EIF2D: variants seen among roughly 807,000 people sequenced by gnomAD.
The protein encoded by EIF2D is eukaryotic translation initiation factor 2D, also known as hepatocellular carcinoma-associated antigen 56.
In EIF2D, 56 loss-of-function variants were observed where a neutral mutation model predicts 77.4. That is an observed-to-expected ratio of 0.72 (90% CI 0.58 to 0.90). EIF2D has a LOEUF of 0.90. Among genes scored for constraint, EIF2D ranks in the 40% least tolerant of loss-of-function variants. The pLI, the probability that EIF2D is intolerant of heterozygous loss-of-function variation, is 0.00. For missense variants in EIF2D, 574 were observed against 706.5 expected (o/e 0.81, Z 2.13); for synonymous variants, 230 against 271.0 (o/e 0.85, Z 1.49).
downstream of EIF2D, among the ~76,000 whole-genome samples, chr1:206,590,067 A>C (rs1553408661): frequency 1.3e-5 from 2 of 152,234 alleles, no homozygotes; most frequent in Admixed American, 6.5e-5. Flanking sequence ...TGTACGTTTG[A>C]CATTGATACA....
intron 3 of EIF2D, among the ~76,000 whole-genome samples, chr1:206,609,041 G>GCA (rs1359486903): frequency 4.5e-4 from 68 of 150,786 alleles, no homozygotes; most frequent in African/African-American, 1.5e-3. Flanking sequence ...AACAGAGTGA[G>GCA]ACTCCATCTC....
At chr1:206,597,028 T>C in intron 12 of EIF2D, 72 bp downstream of exon 12, 1 of 1,147,650 alleles carries the variant, frequency 8.7e-7, no homozygotes, top group Middle Eastern at 2.0e-4. Context: ...AGTGACAGTA[T>C]TAAAGTTCAA....
chr1:206,585,473 T>A (rs1553407455), intron 2 of EIF2D: 3 of 574,990 alleles, frequency 5.2e-6, no homozygotes, highest in Non-Finnish European at 9.4e-6. Context: ...CAGCCAGGAC[T>A]CTGAACACCC....
intron 12 of EIF2D, 35 bp from the exon 13 acceptor site, chr1:206,595,873 G>A: frequency 1.9e-6 from 3 of 1,609,952 alleles, no homozygotes; most frequent in Non-Finnish European, 2.5e-6. Flanking sequence ...AACTGATAAA[G>A]CCAACAGAAA....
Position 206,584,826 on chromosome 1 carries a change from A to G in EIF2D, c.139-3664T>C. On this transcript the variant is annotated intron_variant and NMD_transcript_variant, in intron 2 of 5. Transcript: ENST00000472709. This position sits in a 1 kb window ranked among gnomAD's most constrained non-coding sequence, Gnocchi z 4.9. ...GTCCAGCTGCCCATGTGGTGTTCAG[A>G]TCTGTGGAATCCGGGCAGGGAGGCA... 1 of 855,876 alleles carries G rather than the reference A, an allele frequency of 1.2e-6. No homozygotes were observed. The highest frequency in any genetic ancestry group is 1.8e-6 in the Non-Finnish European group (1 of 557,278). The allele number at this position is 855,876 out of a possible 1,614,324, so 53.0% of individuals were successfully genotyped here. A position where few individuals can be genotyped will look rare whatever the true frequency, so the allele number is the denominator to read the frequency against.
At chr1:206,575,623 C>G (rs1260984059) in intron 4 of EIF2D, among the ~76,000 whole-genome samples, 1 of 152,150 alleles carries the variant, frequency 6.6e-6, no homozygotes, top group East Asian at 1.9e-4. Flanking sequence ...TCTCCACACC[C>G]AATTCTCTGA....
intron 5 of EIF2D, chr1:206,604,700 T>A: frequency 7.8e-6 from 1 of 129,006 alleles, no homozygotes; most frequent in Non-Finnish European, 1.5e-5. Flanking sequence ...GCCACTGCAC[T>A]CCAACCTGGG....
At position 206,584,735 on chromosome 1, in the gene EIF2D, A is replaced by C. The variant is rs782460622; in HGVS notation, c.139-3573T>G. ...GACCGTTCCCTTCCTACCTGTGTCC[A>C]AGCCCACCCACTAAAACTCCTGCCG... is the stretch of plus-strand genomic sequence containing the variant. On this transcript the variant is annotated intron_variant and NMD_transcript_variant, in intron 2 of 5. Transcript: ENST00000472709. This position sits in a 1 kb window ranked among gnomAD's most constrained non-coding sequence, Gnocchi z 4.9. 6.2e-7 allele frequency: 1 copy of C among 1,600,722 alleles called. No homozygotes were observed. Among genetic ancestry groups the C allele is most frequent in the East Asian group, 2.2e-5 (1 of 44,590 alleles).
At chr1:206,589,041 A>T (rs1170759998), downstream of EIF2D, 1 of 152,794 alleles carries the variant, frequency 6.5e-6, no homozygotes, top group African/African-American at 2.4e-5. Context: ...TTATTGGACA[A>T]TTCAGACTTT....
chr1:206,599,396 C>G lies in EIF2D; in HGVS notation c.1202+67G>C. 1.3e-6 allele frequency: 2 copies of G among 1,583,308 alleles called. No individual in the cohort carries two copies. Among genetic ancestry groups the G allele is most frequent in the Non-Finnish European group, 8.6e-7 (1 of 1,164,770 alleles). ...TTGCCAGTCGCAAAAGAGCACTACT[C>G]AGGTTGAGAGGAACTGTAGGCCAGA... On this transcript the variant is annotated intron_variant, in intron 10 of 14. Transcript: ENST00000271764. This position sits in a 1 kb window ranked among gnomAD's most constrained non-coding sequence, Gnocchi z 4.1.
chr1:206,573,185 G>T (rs782626980), intron 4 of EIF2D, among the ~76,000 whole-genome samples: 1 of 152,186 alleles, frequency 6.6e-6, no homozygotes, highest in Non-Finnish European at 1.5e-5. Context: ...ATCAGTCTCC[G>T]TGTGGTGGCT....
chr1:206,583,932 C>T (rs1311350585), intron 2 of EIF2D, among the ~76,000 whole-genome samples: 4 of 152,124 alleles, frequency 2.6e-5, no homozygotes, highest in Non-Finnish European at 5.9e-5. Context: ...CACAAATGCA[C>T]CTAGGTTTAA....
At position 206,584,405 on chromosome 1, in the gene EIF2D, A is replaced by G. The variant is rs1553407042; in HGVS notation, c.139-3243T>C. The G allele has an allele frequency of 6.2e-7, 1 of 1,613,372 alleles. No homozygotes were observed. Reference sequence around the variant, plus strand: ...CTGGCAGAGTGAAGACGGCACCTACACGGGTTTCATCAAAGTGCATCTGAA... The same window carrying G: ...CTGGCAGAGTGAAGACGGCACCTACGCGGGTTTCATCAAAGTGCATCTGAA... On this transcript the variant is annotated intron_variant and NMD_transcript_variant, in intron 2 of 5. Transcript: ENST00000472709. The surrounding 1 kb of genome is among the most constrained non-coding windows in gnomAD (Gnocchi z 4.9).
In EIF2D at chr1:206,592,939, T is replaced by C. The variant is rs545821858; in HGVS notation, c.1684+680A>G. ...CAACATAGTGAAACCCCATATCTAC[T>C]AAAAATACAAAAATTAGCTGGCCGT... On this transcript the variant is annotated intron_variant, in intron 14 of 14. Transcript: ENST00000271764. This position sits in a 1 kb window ranked among gnomAD's most constrained non-coding sequence, Gnocchi z 4.7. 3.7e-3 allele frequency among the ~76,000 whole-genome samples: 560 copies of C among 151,990 alleles called. 2 individuals are homozygous for C. Among genetic ancestry groups the C allele is most frequent in the African/African-American group, 0.013 (518 of 41,440 alleles).
downstream of EIF2D, among the ~76,000 whole-genome samples, chr1:206,570,986 G>T (rs1487339266): frequency 6.6e-6 from 1 of 152,130 alleles, no homozygotes; most frequent in Non-Finnish European, 1.5e-5. Context: ...TGGTAATTCT[G>T]TTTAATTTTT....
chr1:206,575,992 C>A (rs1668634541), intron 4 of EIF2D, among the ~76,000 whole-genome samples: 1 of 152,150 alleles, frequency 6.6e-6, no homozygotes, highest in Admixed American at 6.5e-5. Flanking sequence ...CTTGCCCTCC[C>A]CTGCCACCCA....
At chr1:206,585,229 G>T (rs782387268) in intron 2 of EIF2D, 5 of 1,614,166 alleles carry the variant, frequency 3.1e-6, no homozygotes, top group Non-Finnish European at 4.2e-6. Flanking sequence ...ACCTGCGCCT[G>T]CTTGCTGGGC....
chr1:206,591,626 C>T (rs1170610109), downstream of EIF2D: 18 of 746,538 alleles, frequency 2.4e-5, no homozygotes, highest in Admixed American at 4.8e-4. Context: ...GTGGAGGAAA[C>T]AAGAGGGAAG....
At chr1:206,593,338 T>C (rs1375106000) in intron 14 of EIF2D, among the ~76,000 whole-genome samples, 3 of 152,110 alleles carry the variant, frequency 2.0e-5, no homozygotes, top group Non-Finnish European at 4.4e-5. Flanking sequence ...ATATGTTTTA[T>C]AGAAAGGGAC....
Sources: allele counts gnomAD v4.1 joint callset (sites outside exome capture counted in the v4.1 genomes callset), GRCh38; gene constraint gnomAD v4.1.1; non-coding constraint Gnocchi (gnomAD v3.1); transcripts MANE v1.5; gene names NCBI Gene and HGNC (gene_info 2026-07-23, HGNC 2026-07-21).